Variants in UST observed in about 807,000 individuals in gnomAD.
UST encodes the protein chondroitin sulfate 2-O-sulfotransferase.
UST carries 21 observed loss-of-function variants against 45.6 expected under a neutral mutation model. The ratio of observed to expected loss-of-function variants is 0.46; its 90% CI spans 0.33 to 0.66. The LOEUF is 0.66. Among genes scored for constraint, UST ranks in the 30% least tolerant of loss-of-function variants. The pLI is 0.02. For synonymous variants in UST, 215 were observed against 200.6 expected, an observed-to-expected ratio of 1.07 and a Z score of -0.61; for missense variants, 463 against 512.4, an observed-to-expected ratio of 0.90 and a Z score of 0.93.
chr6:148,804,027 A>G (rs1777102468), intron 1 of UST, among the ~76,000 whole-genome samples: 1 of 152,216 alleles, frequency 6.6e-6, no homozygotes, highest in Admixed American at 6.5e-5. Context: ...TGTATCCTCA[A>G]GGCCTACAAT....
At chr6:149,023,873 G>A (rs1776014785) in intron 7 of UST, among the ~76,000 whole-genome samples, 1 of 151,978 alleles carries the variant, frequency 6.6e-6, no homozygotes, top group Admixed American at 6.6e-5. Context: ...AGAAATTATG[G>A]GCCTTTATTC....
intron 1 of UST, among the ~76,000 whole-genome samples, chr6:148,799,621 A>G (rs1034365076): frequency 2.8e-4 from 43 of 152,032 alleles, no homozygotes; most frequent in African/African-American, 9.2e-4. Context: ...TTAGGTCCCC[A>G]TCACTCCTTT....
chr6:148,814,655 T>C (rs572622110), intron 1 of UST, among the ~76,000 whole-genome samples: 1 of 152,292 alleles, frequency 6.6e-6, no homozygotes, highest in African/African-American at 2.4e-5. Flanking sequence ...TCACTGTGGT[T>C]GTTTGTAGAC....
chr6:148,748,760 C>T lies in UST; in HGVS notation c.247+1083C>T, dbSNP rs1232351233. Among the ~76,000 whole-genome samples the T allele has an allele frequency of 6.6e-6, 1 of 152,024 alleles. No homozygotes were observed. The highest frequency in any genetic ancestry group is 1.9e-4 in the East Asian group (1 of 5,188). On this transcript the variant is annotated intron_variant, in intron 1 of 7. Transcript: ENST00000367463. The surrounding 1 kb of genome is among the most constrained non-coding windows in gnomAD (Gnocchi z 5.3). ...GAAGTGATAAGCCTGAGCATCTGCA[C>T]GATGAGAGCGAGTGCGGGGAAGCAG...
At chr6:148,749,021 G>A (rs987134476) in intron 1 of UST, among the ~76,000 whole-genome samples, 2 of 151,868 alleles carry the variant, frequency 1.3e-5, no homozygotes, top group Non-Finnish European at 2.9e-5. Flanking sequence ...ATTTGGAAAT[G>A]TAGATGTGGA....
At chr6:149,072,471 T>C (rs1201731021) in intron 7 of UST, among the ~76,000 whole-genome samples, 3 of 151,820 alleles carry the variant, frequency 2.0e-5, no homozygotes, top group Non-Finnish European at 4.4e-5. Flanking sequence ...CTGACCAACA[T>C]GGAGAAACCC....
At chr6:149,000,302 A>T (rs564340326) in intron 5 of UST, among the ~76,000 whole-genome samples, 2 of 152,328 alleles carry the variant, frequency 1.3e-5, no homozygotes, top group African/African-American at 4.8e-5. Flanking sequence ...GAACCAAACT[A>T]TTTGCTCCTT....
At chr6:148,834,716 G>C (rs948132203) in intron 1 of UST, among the ~76,000 whole-genome samples, 1 of 152,108 alleles carries the variant, frequency 6.6e-6, no homozygotes, top group African/African-American at 2.4e-5. Flanking sequence ...GCAATAGAGA[G>C]AGATCCTGTT....
intron 1 of UST, among the ~76,000 whole-genome samples, chr6:148,799,433 A>G (rs1305815805): frequency 2.0e-5 from 3 of 152,184 alleles, no homozygotes; most frequent in Non-Finnish European, 2.9e-5. Flanking sequence ...CAAAGTGGTC[A>G]GTTAATAGAT....
intron 2 of UST, among the ~76,000 whole-genome samples, chr6:148,888,890 T>C (rs1232447505): frequency 6.6e-6 from 1 of 152,206 alleles, no homozygotes; most frequent in Non-Finnish European, 1.5e-5. Context: ...TCTCTGGGGA[T>C]AAGGACCGTG....
intron 7 of UST, among the ~76,000 whole-genome samples, chr6:149,072,491 T>G (rs559436568): frequency 3.3e-5 from 5 of 151,900 alleles, no homozygotes; most frequent in African/African-American, 1.2e-4. Flanking sequence ...CCATCTCTAC[T>G]AAAAATACAA....
intron 5 of UST, among the ~76,000 whole-genome samples, chr6:148,977,751 C>CAA (rs60475773): frequency 4.0e-4 from 35 of 88,194 alleles, no homozygotes; most frequent in African/African-American, 9.0e-4. Flanking sequence ...GAATCTGTCT[C>CAA]AAAAAAAAAA....
At chr6:148,825,420 G>A (rs1204149773) in intron 1 of UST, among the ~76,000 whole-genome samples, 1 of 152,174 alleles carries the variant, frequency 6.6e-6, no homozygotes, top group Non-Finnish European at 1.5e-5. Context: ...ACCCAAAAAA[G>A]CATTGAAGTT....
Position 148,747,613 on chromosome 6 carries a change from C to A in UST, c.183C>A (p.Gly61=), listed in dbSNP as rs779498298. 3 of 1,602,754 alleles carry A rather than the reference C, an allele frequency of 1.9e-6. No homozygotes were observed. The highest frequency in any genetic ancestry group is 3.4e-5 in the Admixed American group (2 of 58,716). Residue 61 remains glycine (G), a synonymous_variant, in exon 1 of 8, where the codon GGC becomes GGA. Coordinates refer to ENST00000367463, the MANE Select transcript of UST (RefSeq NM_005715.3). ...CCACCCTGCTGGTCTTCTGCCTGGG[C>A]TCCCTCCTCTATCAGCTCAGCGGGG... ...CMATLLVFCL[G]SLLYQLSGGP...
At chr6:149,009,431 G>A (rs1041565170) in intron 5 of UST, among the ~76,000 whole-genome samples, 1 of 151,978 alleles carries the variant, frequency 6.6e-6, no homozygotes, top group Non-Finnish European at 1.5e-5. Context: ...AAGCCTGAAA[G>A]ACATGAGTCC....
chr6:148,967,916 A>G (rs1582932677), intron 5 of UST, among the ~76,000 whole-genome samples: 2 of 152,188 alleles, frequency 1.3e-5, no homozygotes, highest in East Asian at 3.8e-4. Flanking sequence ...AAATAATATC[A>G]TCTTGTGAGG....
intron 1 of UST, among the ~76,000 whole-genome samples, chr6:148,779,200 G>A (rs1029429714): frequency 2.0e-5 from 3 of 150,572 alleles, no homozygotes; most frequent in African/African-American, 4.9e-5. Flanking sequence ...TACTTCTTCC[G>A]TTGACTCAGC....
intron 1 of UST, 38 bp from the exon 2 acceptor site, chr6:148,886,947 TA>T (rs747451214): frequency 4.4e-6 from 7 of 1,579,752 alleles, no homozygotes; most frequent in Non-Finnish European, 6.1e-6. Context: ...ATTTGGGATT[TA>T]AAAAACGGAT....
intron 7 of UST, among the ~76,000 whole-genome samples, chr6:149,029,340 G>A (rs940399070): frequency 1.4e-5 from 2 of 145,484 alleles, no homozygotes; most frequent in African/African-American, 5.0e-5. Flanking sequence ...TATATTGTAC[G>A]TTATATATTA....
Sources: gnomAD v4.1 joint callset for allele counts (sites outside exome capture counted in the v4.1 genomes callset) on GRCh38, gnomAD v4.1.1 for gene constraint, Gnocchi (gnomAD v3.1) non-coding constraint, MANE v1.5 for transcripts, NCBI Gene and HGNC (gene_info 2026-07-23, HGNC 2026-07-21) for gene names.